CDKAL1: variants seen among roughly 807,000 people sequenced by gnomAD.
CDKAL1 encodes the protein threonylcarbamoyladenosine tRNA methylthiotransferase.
CDKAL1 carries 32 observed loss-of-function variants against 68.2 expected under a neutral mutation model. That is an observed-to-expected ratio of 0.47 (90% CI 0.35 to 0.63). The LOEUF is 0.63. CDKAL1 is among the 30% of genes least tolerant of loss of function. CDKAL1 has a pLI of 0.00. For synonymous variants in CDKAL1, 234 were observed against 244.3 expected, an observed-to-expected ratio of 0.96 and a Z score of 0.39; for missense variants, 606 against 696.7, an observed-to-expected ratio of 0.87 and a Z score of 1.47.
At chr6:20,662,379 C>T (rs1333181099) in intron 5 of CDKAL1, among the ~76,000 whole-genome samples, 4 of 152,052 alleles carry the variant, frequency 2.6e-5, no homozygotes, top group African/African-American at 9.7e-5. Context: ...ATAGGAGTGG[C>T]AGGTAATATG....
At chr6:21,032,979 C>A (rs1769380739) in intron 11 of CDKAL1, among the ~76,000 whole-genome samples, 1 of 152,088 alleles carries the variant, frequency 6.6e-6, no homozygotes, top group Non-Finnish European at 1.5e-5. Flanking sequence ...GTACTTTTGA[C>A]ATTTGGCTAG....
intron 13 of CDKAL1, among the ~76,000 whole-genome samples, chr6:21,176,374 A>C (rs905849409): frequency 4.6e-5 from 7 of 152,254 alleles, no homozygotes; most frequent in African/African-American, 1.2e-4. Context: ...TTGCAAGGCC[A>C]AACAGTGACT....
intron 5 of CDKAL1, among the ~76,000 whole-genome samples, chr6:20,652,046 C>T (rs902277249): frequency 6.6e-6 from 1 of 152,044 alleles, no homozygotes; most frequent in Admixed American, 6.6e-5. Flanking sequence ...GTTTTGGTAT[C>T]AGGATGATGC....
At chr6:20,936,545 C>T (rs1246982427) in intron 9 of CDKAL1, among the ~76,000 whole-genome samples, 3 of 151,932 alleles carry the variant, frequency 2.0e-5, no homozygotes, top group East Asian at 1.9e-4. Context: ...CCACCGCGCC[C>T]GGCCCATTTT....
At chr6:20,598,431 G>A (rs146093977) in intron 4 of CDKAL1, among the ~76,000 whole-genome samples, 3,666 of 152,202 alleles carry the variant, frequency 0.024, 135 homozygotes, top group African/African-American at 0.078. Context: ...TGAAAAATAG[G>A]TTACAGCCAT....
chr6:20,832,217 A>T (rs1038725508), intron 8 of CDKAL1, among the ~76,000 whole-genome samples: 2 of 152,252 alleles, frequency 1.3e-5, no homozygotes, highest in Non-Finnish European at 2.9e-5. Flanking sequence ...ATAAGGTGAG[A>T]AATGCCCATT....
intron 4 of CDKAL1, among the ~76,000 whole-genome samples, chr6:20,597,030 T>A (rs1343216617): frequency 1.3e-5 from 2 of 152,214 alleles, no homozygotes; most frequent in Non-Finnish European, 2.9e-5. Context: ...AACGCAGAAA[T>A]CACCCGCCTT....
intron 8 of CDKAL1, among the ~76,000 whole-genome samples, chr6:20,816,497 A>G (rs1034038407): frequency 2.0e-5 from 3 of 152,218 alleles, no homozygotes; most frequent in African/African-American, 7.2e-5. Flanking sequence ...GCTTCATCAT[A>G]GAAAAGCAAA....
chr6:20,872,488 A>AC (rs1760276195), intron 9 of CDKAL1, among the ~76,000 whole-genome samples: 7 of 152,212 alleles, frequency 4.6e-5, no homozygotes, highest in Middle Eastern at 3.2e-3. Context: ...GGTTTAGAAG[A>AC]TGATAGAGTT....
chr6:20,906,315 G>A (rs143664453), intron 9 of CDKAL1, among the ~76,000 whole-genome samples: 192 of 151,844 alleles, frequency 1.3e-3, no homozygotes, highest in African/African-American at 4.2e-3. Context: ...AAAGGAGTGA[G>A]GACAGAGATT....
At chr6:21,170,476 C>A (rs1323994367) in intron 13 of CDKAL1, among the ~76,000 whole-genome samples, 1 of 151,868 alleles carries the variant, frequency 6.6e-6, no homozygotes, top group Non-Finnish European at 1.5e-5. Context: ...ATTACAGGTG[C>A]CTGCTACTGT....
intron 5 of CDKAL1, among the ~76,000 whole-genome samples, chr6:20,679,799 C>G (rs1770290824): frequency 1.3e-5 from 2 of 152,158 alleles, no homozygotes; most frequent in Non-Finnish European, 2.9e-5. Context: ...TGCCTAGTAG[C>G]CTTGGACACT....
At chr6:20,649,220 C>A in intron 4 of CDKAL1, 73 bp from the exon 5 acceptor site, 1 of 986,298 alleles carries the variant, frequency 1.0e-6, no homozygotes, top group Admixed American at 2.0e-5. Flanking sequence ...CCGCAGCAAT[C>A]CCAGTGCCAC....
chr6:20,847,845 G>A (rs899202129), intron 9 of CDKAL1, among the ~76,000 whole-genome samples: 1 of 152,220 alleles, frequency 6.6e-6, no homozygotes, highest in Non-Finnish European at 1.5e-5. Flanking sequence ...AGCAAGGAAA[G>A]AATTAAGCAA....
intron 9 of CDKAL1, among the ~76,000 whole-genome samples, chr6:20,864,361 T>C (rs1759796482): frequency 6.6e-6 from 1 of 152,308 alleles, no homozygotes; most frequent in South Asian, 2.1e-4. Context: ...TGAGTTTTTT[T>C]CTAGCACATT....
At chr6:20,710,666 G>A (rs1771804661) in intron 5 of CDKAL1, among the ~76,000 whole-genome samples, 1 of 152,156 alleles carries the variant, frequency 6.6e-6, no homozygotes, top group East Asian at 1.9e-4. Context: ...CTAGAAAAGT[G>A]GAGGAGATAA....
chr6:21,122,800 T>C (rs1774792791), intron 13 of CDKAL1, among the ~76,000 whole-genome samples: 1 of 140,080 alleles, frequency 7.1e-6, no homozygotes, highest in South Asian at 2.3e-4. Context: ...CATCCCCAGT[T>C]AGGTTTTTTT....
At chr6:20,881,084 T>C (rs1426057915) in intron 9 of CDKAL1, among the ~76,000 whole-genome samples, 2 of 152,352 alleles carry the variant, frequency 1.3e-5, no homozygotes, top group South Asian at 2.1e-4. Flanking sequence ...AAACAGACTA[T>C]TGACATCTCT....
At chr6:20,742,186 G>A (rs1773488190) in intron 6 of CDKAL1, among the ~76,000 whole-genome samples, 1 of 152,000 alleles carries the variant, frequency 6.6e-6, no homozygotes, top group Non-Finnish European at 1.5e-5. Context: ...ATTTGTTTAT[G>A]TTCCTTATAG....
Sources: allele counts gnomAD v4.1 joint callset (sites outside exome capture counted in the v4.1 genomes callset), GRCh38; gene constraint gnomAD v4.1.1; transcripts MANE v1.5; gene names NCBI Gene and HGNC (gene_info 2026-07-23, HGNC 2026-07-21).